FRMD3: variants seen among roughly 807,000 people sequenced by gnomAD.
FRMD3 encodes FERM domain-containing protein 3.
A neutral mutation model predicts 70.2 loss-of-function variants in FRMD3; 33 were observed. That is an observed-to-expected ratio of 0.47 (90% CI 0.36 to 0.63). The LOEUF (loss-of-function observed/expected upper bound fraction) is 0.63, where lower values mean the gene tolerates loss of function less well. Ranked by LOEUF, FRMD3 falls within the 20% of genes least tolerant of loss-of-function variation. The pLI is 0.00. For missense variants in FRMD3, 632 were observed against 711.4 expected (o/e 0.89, Z 1.27); for synonymous variants, 279 against 255.9 (o/e 1.09, Z -0.86).
At chr9:83,330,043 G>A (rs1836192943) in intron 6 of FRMD3, among the ~76,000 whole-genome samples, 1 of 152,106 alleles carries the variant, frequency 6.6e-6, no homozygotes, top group South Asian at 2.1e-4. Flanking sequence ...TTAAAGCTGT[G>A]GAAAACAGAA....
chr9:83,554,880 G>C, the FRMD3 span, among the ~76,000 whole-genome samples: 1 of 151,988 alleles, frequency 6.6e-6, no homozygotes, highest in Non-Finnish European at 1.5e-5. Flanking sequence ...AGCTACTGTG[G>C]TATGTTTGGG....
intron 1 of FRMD3, among the ~76,000 whole-genome samples, chr9:83,468,755 A>G (rs1218854495): frequency 2.6e-5 from 4 of 152,234 alleles, no homozygotes; most frequent in Non-Finnish European, 5.9e-5. Flanking sequence ...AAGGAAGAAT[A>G]CAGCAATTTA....
chr9:83,407,884 C>CTCTCATCTT (rs1826167858), intron 1 of FRMD3, among the ~76,000 whole-genome samples: 1 of 133,214 alleles, frequency 7.5e-6, no homozygotes, highest in African/African-American at 3.6e-5. Context: ...ATCTTTCTCT[C>CTCTCATCTT]TCTCTCTCTC....
At chr9:83,329,770 G>A (rs1235658627) in intron 6 of FRMD3, among the ~76,000 whole-genome samples, 4 of 152,112 alleles carry the variant, frequency 2.6e-5, no homozygotes, top group African/African-American at 9.7e-5. Context: ...CTGCTTTACT[G>A]CCAATTGAGC....
intron 2 of FRMD3, among the ~76,000 whole-genome samples, chr9:83,388,944 T>A: frequency 7.4e-6 from 1 of 135,414 alleles, no homozygotes; most frequent in Admixed American, 7.3e-5. Context: ...ACCAATAGCT[T>A]TTTTTTTTTT....
intron 6 of FRMD3, 60 bp downstream of exon 6, chr9:83,335,456 C>T (rs1398520188): frequency 2.0e-6 from 3 of 1,486,402 alleles, no homozygotes; most frequent in Admixed American, 1.7e-5. Context: ...TTCCACATTC[C>T]CTGCAGTAAG....
rs185478712 is a variant in FRMD3, at chr9:83,372,689, G to T, written c.295+224C>A. 8.5e-5 allele frequency among the ~76,000 whole-genome samples: 13 copies of T among 152,076 alleles called. No homozygotes were observed. The East Asian group carries it at 1.4e-3, about 16-fold the overall frequency. On this transcript the variant is annotated intron_variant, in intron 3 of 13. Coordinates refer to ENST00000304195, the MANE Select transcript of FRMD3 (RefSeq NM_174938.6). Reference sequence around the variant, plus strand: ...AGATATCAAATATGAGGGCAAGATGGGGGGGAGGGAGAGAGGCCCAGGAGA... The same window carrying T: ...AGATATCAAATATGAGGGCAAGATGTGGGGGAGGGAGAGAGGCCCAGGAGA...
At chr9:83,354,189 G>A (rs1187560741) in intron 3 of FRMD3, among the ~76,000 whole-genome samples, 1 of 152,184 alleles carries the variant, frequency 6.6e-6, no homozygotes, top group East Asian at 1.9e-4. Context: ...GCCTCCCAAA[G>A]TGCTGGGATT....
At chr9:83,498,405 G>A (rs1394473064) in intron 1 of FRMD3, among the ~76,000 whole-genome samples, 2 of 152,084 alleles carry the variant, frequency 1.3e-5, no homozygotes, top group Non-Finnish European at 2.9e-5. Context: ...AAGATAATAG[G>A]CCAAAGGTTT....
chr9:83,380,595 G>A (rs1825323916), intron 2 of FRMD3, among the ~76,000 whole-genome samples: 1 of 152,156 alleles, frequency 6.6e-6, no homozygotes, highest in African/African-American at 2.4e-5. Flanking sequence ...AAAAGAAGGT[G>A]GGTATGGGGT....
At chr9:83,431,093 T>C (rs1826962512) in intron 1 of FRMD3, among the ~76,000 whole-genome samples, 1 of 152,230 alleles carries the variant, frequency 6.6e-6, no homozygotes, top group African/African-American at 2.4e-5. Flanking sequence ...TGAGATCCAT[T>C]GGCCCTTTAT....
At chr9:83,349,609 A>G (rs1824076893) in intron 4 of FRMD3, 70 bp downstream of exon 4, 4 of 1,124,634 alleles carry the variant, frequency 3.6e-6, no homozygotes. Flanking sequence ...AGGCCCATCT[A>G]GCCTGCAAGA....
Position 83,295,635 on chromosome 9 carries a change from A to G in FRMD3, c.1070+3113T>C, listed in dbSNP as rs993215289. Among the ~76,000 whole-genome samples the G allele has an allele frequency of 1.1e-3, 165 of 152,362 alleles. 2 individuals are homozygous for G. The highest frequency in any genetic ancestry group is 4.3e-4 in the Non-Finnish European group (29 of 68,040). On this transcript the variant is annotated intron_variant, in intron 12 of 13. Coordinates refer to ENST00000304195, the MANE Select transcript of FRMD3 (RefSeq NM_174938.6). ...AGAAGTGATTTACCCAAGGCCATAC[A>G]GTTGGCAAACAACACAGCTAAGATT...
At chr9:83,415,147 G>C (rs994268646) in intron 1 of FRMD3, among the ~76,000 whole-genome samples, 11 of 152,184 alleles carry the variant, frequency 7.2e-5, no homozygotes, top group African/African-American at 2.2e-4. Flanking sequence ...GGTCAGGGGA[G>C]CCAGGGGAGA....
intron 1 of FRMD3, among the ~76,000 whole-genome samples, chr9:83,422,231 A>C (rs866580377): frequency 1.2e-4 from 19 of 152,124 alleles, no homozygotes; most frequent in African/African-American, 4.1e-4. Context: ...TCAAAAAAAC[A>C]AAACAAAAAA....
At chr9:83,333,831 AG>A (rs1823478831) in intron 6 of FRMD3, among the ~76,000 whole-genome samples, 1 of 152,180 alleles carries the variant, frequency 6.6e-6, no homozygotes, top group Non-Finnish European at 1.5e-5. Context: ...CTATTTACAA[AG>A]CACAAGTCCT....
intron 1 of FRMD3, among the ~76,000 whole-genome samples, chr9:83,452,622 C>T (rs553679773): frequency 6.6e-6 from 1 of 151,660 alleles, no homozygotes; most frequent in African/African-American, 2.4e-5. Context: ...GCTGGGACTA[C>T]AGGCGCCCAC....
the FRMD3 span, among the ~76,000 whole-genome samples, chr9:83,576,461 G>A: frequency 6.6e-6 from 1 of 152,068 alleles, no homozygotes; most frequent in African/African-American, 2.4e-5. Flanking sequence ...TTTTATTTAA[G>A]TTCAAGTGTA....
chr9:83,532,530 G>A (rs1402920932), intron 1 of FRMD3, among the ~76,000 whole-genome samples: 3 of 152,126 alleles, frequency 2.0e-5, no homozygotes, highest in African/African-American at 7.2e-5. Flanking sequence ...TCTCATGAAA[G>A]GTTTATTGTA....
Sources: gnomAD v4.1 joint callset for allele counts (sites outside exome capture counted in the v4.1 genomes callset) on GRCh38, gnomAD v4.1.1 for gene constraint, MANE v1.5 for transcripts, NCBI Gene and HGNC (gene_info 2026-07-23, HGNC 2026-07-21) for gene names.